The following KAZN variants were observed in gnomAD, a reference collection of about 807,000 sequenced individuals.
KAZN encodes kazrin, periplakin interacting protein.
In KAZN, 40 loss-of-function variants were observed where a neutral mutation model predicts 87.4. The observed-to-expected ratio is 0.46, with a 90% CI of 0.36 to 0.60. The LOEUF (loss-of-function observed/expected upper bound fraction) is 0.60, where lower values mean the gene tolerates loss of function less well. KAZN is among the 20% of genes least tolerant of loss of function. The probability of loss-of-function intolerance (pLI) is 0.00; values close to 1 mark genes in which losing one functional copy is unlikely to be tolerated. For missense variants in KAZN, 898 were observed against 1,073.9 expected (o/e 0.84, Z 2.29); for synonymous variants, 466 against 458.3 (o/e 1.02, Z -0.22).
chr1:14,909,588 C>A (rs755672203), intron 1 of KAZN, among the ~76,000 whole-genome samples: 2 of 152,166 alleles, frequency 1.3e-5, no homozygotes, highest in Non-Finnish European at 2.9e-5. Flanking sequence ...AAAGCCAGGG[C>A]CAAATAACAC....
At chr1:14,448,257 G>A (rs1280459696) in intron 2 of KAZN, among the ~76,000 whole-genome samples, 1 of 152,228 alleles carries the variant, frequency 6.6e-6, no homozygotes, top group Non-Finnish European at 1.5e-5. Context: ...AACTGGCAGA[G>A]CAGGGACATG....
At chr1:14,141,248 A>C (rs1415884912) in intron 1 of KAZN, among the ~76,000 whole-genome samples, 51 of 151,494 alleles carry the variant, frequency 3.4e-4, no homozygotes, top group African/African-American at 1.1e-3. Context: ...AAAAAAAAAA[A>C]AAAAACAAAA....
At chr1:14,873,077 T>C (rs1652353211) in intron 1 of KAZN, among the ~76,000 whole-genome samples, 1 of 145,080 alleles carries the variant, frequency 6.9e-6, no homozygotes, top group East Asian at 2.1e-4. Flanking sequence ...GGTGGATGGA[T>C]GGATGGATGG....
At chr1:13,954,129 A>G (rs1257360645) in intron 1 of KAZN, among the ~76,000 whole-genome samples, 2 of 152,204 alleles carry the variant, frequency 1.3e-5, no homozygotes, top group South Asian at 2.1e-4. Flanking sequence ...CGCACCACCC[A>G]GGAGGCGGAG....
At chr1:14,933,873 A>C (rs1572863981) in intron 1 of KAZN, among the ~76,000 whole-genome samples, 1 of 138,680 alleles carries the variant, frequency 7.2e-6, no homozygotes. Flanking sequence ...TATGAGACGG[A>C]GTCTTGCTGT....
At chr1:14,323,276 C>T (rs767476656) in intron 2 of KAZN, among the ~76,000 whole-genome samples, 6 of 152,028 alleles carry the variant, frequency 3.9e-5, no homozygotes, top group South Asian at 2.1e-4. Flanking sequence ...AATCAAGCCA[C>T]GTGGCCATGC....
At chr1:14,933,964 C>T (rs1660146083) in intron 1 of KAZN, among the ~76,000 whole-genome samples, 2 of 151,486 alleles carry the variant, frequency 1.3e-5, no homozygotes, top group Non-Finnish European at 2.9e-5. Flanking sequence ...TCTCCTGCCT[C>T]CGCCTCCCGA....
intron 1 of KAZN, among the ~76,000 whole-genome samples, chr1:14,896,548 T>C (rs960257935): frequency 6.6e-6 from 1 of 152,254 alleles, no homozygotes. Flanking sequence ...CTAATAGCTC[T>C]AACTGGTACC....
intron 1 of KAZN, among the ~76,000 whole-genome samples, chr1:14,715,876 G>A (rs191794944): frequency 8.5e-4 from 129 of 152,212 alleles, no homozygotes; most frequent in African/African-American, 2.9e-3. Flanking sequence ...ACAAGGTTCC[G>A]GGCTCTTGTT....
chr1:14,135,045 T>A (rs1235826236), intron 1 of KAZN, among the ~76,000 whole-genome samples: 1 of 151,722 alleles, frequency 6.6e-6, no homozygotes, highest in Non-Finnish European at 1.5e-5. Context: ...TCACACTTAT[T>A]ATTACATTGG....
At chr1:14,610,259 G>A (rs1677710919) in intron 1 of KAZN, among the ~76,000 whole-genome samples, 1 of 152,168 alleles carries the variant, frequency 6.6e-6, no homozygotes, top group South Asian at 2.1e-4. Context: ...CCAGGTTGGA[G>A]TGCAGTGGCA....
At chr1:14,427,034 C>T (rs191172654) in intron 2 of KAZN, among the ~76,000 whole-genome samples, 97 of 152,350 alleles carry the variant, frequency 6.4e-4, no homozygotes, top group Middle Eastern at 3.4e-3. Flanking sequence ...ATGGGGAAGA[C>T]TGGCATTAAC....
intron 2 of KAZN, among the ~76,000 whole-genome samples, chr1:15,032,831 C>G (rs2102238042): frequency 6.6e-6 from 1 of 152,134 alleles, no homozygotes; most frequent in Non-Finnish European, 1.5e-5. Flanking sequence ...CACCTGCAAT[C>G]CCAGCTACTT....
chr1:14,290,264 CAG>C (rs1288330227), intron 2 of KAZN, among the ~76,000 whole-genome samples: 1 of 152,200 alleles, frequency 6.6e-6, no homozygotes, highest in Non-Finnish European at 1.5e-5. Flanking sequence ...TAATTTCCTG[CAG>C]AGTGTTTTCC....
rs1470488224 is a variant in KAZN, at chr1:14,949,216, A to G, written c.227-11468A>G. 6.6e-6 allele frequency among the ~76,000 whole-genome samples: 1 copy of G among 151,186 alleles called. No individual in the cohort carries two copies. Among genetic ancestry groups the G allele is most frequent in the Non-Finnish European group, 1.5e-5 (1 of 67,872 alleles). On this transcript the variant is annotated intron_variant, in intron 1 of 14. Transcript: ENST00000376030. This position sits in a 1 kb window ranked among gnomAD's most constrained non-coding sequence, Gnocchi z 4.3. The stretch of plus-strand genomic sequence containing the variant: ...GTAATTTGTCTGTGGTTTTACATTA[A>G]GCAACTGAATTGGGATTAAAGGGAA...
At position 13,951,747 on chromosome 1, in the gene KAZN, A is replaced by G. The variant is rs573037461; in HGVS notation, c.91+57991A>G. Among the ~76,000 whole-genome samples the G allele has an allele frequency of 1.4e-4, 22 of 152,254 alleles. No individual in the cohort carries two copies. In the South Asian group the frequency reaches 2.5e-3, roughly 17 times the overall value. On this transcript the variant is annotated intron_variant, in intron 1 of 16. Transcript: ENST00000636203. ...CACAGGGTTGCTGTCCATGATGATC[A>G]TGCTCTTTGTGTTTCTCTAAGTCCA... is the stretch of plus-strand genomic sequence containing the variant.
intron 1 of KAZN, among the ~76,000 whole-genome samples, chr1:14,677,694 A>G (rs1223130400): frequency 6.6e-6 from 1 of 152,160 alleles, no homozygotes; most frequent in East Asian, 1.9e-4. Context: ...CTTGGGAATT[A>G]TTTATTGATG....
At chr1:14,154,748 T>G (rs72643163) in intron 1 of KAZN, among the ~76,000 whole-genome samples, 5,774 of 152,342 alleles carry the variant, frequency 0.038, 142 homozygotes, top group Middle Eastern at 0.058. Context: ...TCCATTGAAA[T>G]AATTATATGG....
intron 1 of KAZN, among the ~76,000 whole-genome samples, chr1:14,904,844 C>G (rs994402499): frequency 1.2e-4 from 19 of 152,210 alleles, no homozygotes; most frequent in African/African-American, 4.6e-4. Context: ...TCACTGCAAG[C>G]TCCGCCACTC....
Sources: allele counts gnomAD v4.1 joint callset (sites outside exome capture counted in the v4.1 genomes callset), GRCh38; gene constraint gnomAD v4.1.1; non-coding constraint Gnocchi (gnomAD v3.1); transcripts MANE v1.5; gene names NCBI Gene and HGNC (gene_info 2026-07-23, HGNC 2026-07-21).